The following SAMHD1 variants were observed in gnomAD, a reference collection of about 807,000 sequenced individuals.
The protein encoded by SAMHD1 is SAM and HD domain containing deoxynucleoside triphosphate triphosphohydrolase 1.
Under a neutral mutation model 79.6 loss-of-function variants are expected in SAMHD1, and 54 were observed. The observed-to-expected ratio is 0.68, with a 90% CI of 0.55 to 0.85. The LOEUF (loss-of-function observed/expected upper bound fraction) is 0.85, where lower values mean the gene tolerates loss of function less well. Ranked by LOEUF, SAMHD1 falls within the 40% of genes least tolerant of loss-of-function variation. SAMHD1 has a pLI of 0.00. For missense variants in SAMHD1, 663 were observed against 782.7 expected (o/e 0.85, Z 1.82); for synonymous variants, 260 against 264.1 (o/e 0.98, Z 0.15).
At chr20:36,932,228 G>A (rs933244687) in intron 4 of SAMHD1, among the ~76,000 whole-genome samples, 1 of 151,608 alleles carries the variant, frequency 6.6e-6, no homozygotes, top group Non-Finnish European at 1.5e-5. Context: ...TTGGAAGGCT[G>A]TAATCCCAGC....
chr20:36,895,776 C>T (rs1408310699), intron 15 of SAMHD1, among the ~76,000 whole-genome samples: 1 of 152,032 alleles, frequency 6.6e-6, no homozygotes, highest in African/African-American at 2.4e-5. Context: ...TTCACAGTAC[C>T]TAGGACAGAC....
At chr20:36,898,885 C>G (rs2035261827) in intron 13 of SAMHD1, among the ~76,000 whole-genome samples, 1 of 141,338 alleles carries the variant, frequency 7.1e-6, no homozygotes, top group South Asian at 2.2e-4. Context: ...GCACTCCAGC[C>G]TGGCGACAGA....
intron 5 of SAMHD1, among the ~76,000 whole-genome samples, chr20:36,929,939 G>A (rs758036275): frequency 6.6e-6 from 1 of 151,746 alleles, no homozygotes; most frequent in Non-Finnish European, 1.5e-5. Context: ...TGATAAGAAG[G>A]ACAAGGCCAG....
chr20:36,943,749 G>C (rs909394873), intron 2 of SAMHD1, among the ~76,000 whole-genome samples: 1 of 152,070 alleles, frequency 6.6e-6, no homozygotes, highest in Non-Finnish European at 1.5e-5. Flanking sequence ...AGTAGTAAAG[G>C]GGACTTTGAG....
intron 1 of SAMHD1, among the ~76,000 whole-genome samples, chr20:36,949,456 A>G (rs1258443879): frequency 1.2e-5 from 1 of 81,870 alleles, no homozygotes; most frequent in Non-Finnish European, 2.2e-5. Flanking sequence ...GTCTCTAATT[A>G]AAAAAAAAAA....
intron 2 of SAMHD1, among the ~76,000 whole-genome samples, chr20:36,944,318 C>CA (rs34572620): frequency 0.18 from 12,868 of 70,718 alleles, 691 homozygotes; most frequent in Non-Finnish European, 0.23. Context: ...GACTTCGTCT[C>CA]AAAAAAAAAA....
intron 2 of SAMHD1, among the ~76,000 whole-genome samples, chr20:36,942,812 A>G (rs1305359144): frequency 6.6e-6 from 1 of 151,746 alleles, no homozygotes; most frequent in Non-Finnish European, 1.5e-5. Flanking sequence ...ATGCCCAGCT[A>G]ATTTCTTTTT....
intron 4 of SAMHD1, chr20:36,931,156 C>T (rs2063565782): frequency 7.1e-6 from 3 of 424,696 alleles, no homozygotes; most frequent in Non-Finnish European, 1.3e-5. Context: ...AAAAGAAAAC[C>T]AGAAAATAAC....
chr20:36,931,370 TCACGCCTGTAATCCCAG>T (rs1383741240), intron 4 of SAMHD1, among the ~76,000 whole-genome samples: 6 of 152,220 alleles, frequency 3.9e-5, no homozygotes, highest in Admixed American at 6.5e-5. Flanking sequence ...GCTCAGGGGC[TCACGCCTGTAATCCCAG>T]CACTTTGGGA....
chr20:36,930,926 T>C (rs202177789), intron 4 of SAMHD1, 51 bp from the exon 5 acceptor site: 1 of 1,246,596 alleles, frequency 8.0e-7, no homozygotes, highest in Non-Finnish European at 1.2e-6. Context: ...AGAGGAGTGA[T>C]AGTTCTGGTC....
chr20:36,927,546 A>C (rs917714774), intron 5 of SAMHD1, among the ~76,000 whole-genome samples: 1 of 151,888 alleles, frequency 6.6e-6, no homozygotes, highest in Non-Finnish European at 1.5e-5. Context: ...CGAACTCCCG[A>C]CCTCAGGTGA....
chr20:36,931,049 C>T (rs941001861), intron 4 of SAMHD1, 174 bp from the exon 5 acceptor site: 160 of 644,644 alleles, frequency 2.5e-4, no homozygotes, highest in Admixed American at 6.5e-5. Flanking sequence ...ATCCCAAAAG[C>T]AGGACCTCTG....
At chr20:36,907,791 G>A (rs1234254131) in intron 11 of SAMHD1, among the ~76,000 whole-genome samples, 1 of 151,584 alleles carries the variant, frequency 6.6e-6, no homozygotes, top group Non-Finnish European at 1.5e-5. Context: ...TTTAAAATAT[G>A]GCATCACTTG....
At chr20:36,933,307 T>G (rs1164532856) in intron 4 of SAMHD1, among the ~76,000 whole-genome samples, 1 of 152,212 alleles carries the variant, frequency 6.6e-6, no homozygotes, top group Non-Finnish European at 1.5e-5. Context: ...TCAGCTTAGT[T>G]GTATGTAACA....
intron 13 of SAMHD1, among the ~76,000 whole-genome samples, chr20:36,900,031 T>C (rs907661802): frequency 1.3e-5 from 2 of 148,608 alleles, no homozygotes; most frequent in Non-Finnish European, 3.0e-5. Flanking sequence ...GAGCTGGAGG[T>C]TGCAGTGAGC....
intron 3 of SAMHD1, chr20:36,940,634 G>C (rs1367843183): frequency 3.9e-6 from 1 of 255,846 alleles, no homozygotes; most frequent in African/African-American, 2.3e-5. Context: ...GGGAGACGGA[G>C]GTTGGAGTGA....
chr20:36,936,364 C>T (rs544789103), intron 3 of SAMHD1, among the ~76,000 whole-genome samples: 4 of 152,080 alleles, frequency 2.6e-5, no homozygotes, highest in East Asian at 1.9e-4. Context: ...GGCTGCAGTG[C>T]GTTGGCTATT....
intron 13 of SAMHD1, among the ~76,000 whole-genome samples, chr20:36,900,794 G>T (rs112931105): frequency 6.9e-6 from 1 of 145,690 alleles, no homozygotes; most frequent in Non-Finnish European, 1.5e-5. Context: ...GGATGGTCTC[G>T]ATCTCCTGAC....
chr20:36,920,117 A>AT (rs921007496), intron 6 of SAMHD1, among the ~76,000 whole-genome samples: 2 of 151,992 alleles, frequency 1.3e-5, no homozygotes, highest in Admixed American at 6.6e-5. Context: ...CTATAACTAT[A>AT]TTTTTTTAAA....
Sources: allele counts gnomAD v4.1 joint callset (sites outside exome capture counted in the v4.1 genomes callset), GRCh38; gene constraint gnomAD v4.1.1; transcripts MANE v1.5; gene names NCBI Gene and HGNC (gene_info 2026-07-23, HGNC 2026-07-21).